Variants in TDRD6 observed in about 807,000 individuals in gnomAD.
TDRD6 encodes the protein tudor domain-containing protein 6.
A neutral mutation model predicts 157.5 loss-of-function variants in TDRD6; 186 were observed. The observed-to-expected ratio is 1.18, with a 90% CI of 1.05 to 1.33. TDRD6 has a LOEUF of 1.33. Ranked by LOEUF, TDRD6 falls within the 40% of genes most tolerant of loss-of-function variation. The probability of loss-of-function intolerance (pLI) is 0.00; values close to 1 mark genes in which losing one functional copy is unlikely to be tolerated. For missense variants in TDRD6, 3,066 were observed against 2,508.0 expected (o/e 1.22, Z -4.75); for synonymous variants, 1,075 against 945.2 (o/e 1.14, Z -2.52).
Position 46,695,737 on chromosome 6 carries a change from A to G in TDRD6, c.6047-84A>G. On this transcript the variant is annotated intron_variant, in intron 1 of 3. Coordinates refer to ENST00000316081, the MANE Select transcript of TDRD6 (RefSeq NM_001010870.3). Reference sequence around the variant, plus strand: ...GATATTGATGATATAGAAATAATGCAGATTAGGAAAATGCTTTGCTTGTGT... The same window carrying G: ...GATATTGATGATATAGAAATAATGCGGATTAGGAAAATGCTTTGCTTGTGT... The G allele has an allele frequency of 3.0e-6, 4 of 1,331,244 alleles. No homozygotes were observed. In the South Asian group the frequency reaches 5.8e-5, roughly 19 times the overall value. The allele number at this position is 1,331,244 out of a possible 1,614,324, so 82.5% of individuals were successfully genotyped here. A position where few individuals can be genotyped will look rare whatever the true frequency, so the allele number is the denominator to read the frequency against.
chr6:46,691,679 A>G lies in TDRD6; in HGVS notation c.3551A>G (p.Asn1184Ser). The G allele has an allele frequency of 6.2e-7, 1 of 1,612,272 alleles. No homozygotes were observed. Among genetic ancestry groups the G allele is most frequent in the Non-Finnish European group, 8.5e-7 (1 of 1,179,488 alleles). The change falls in exon 1 of 4, where the codon AAT becomes AGT. Residue 1184 changes from asparagine (N) to serine (S), a missense_variant. Physicochemically the swap from Asn to Ser is conservative, Grantham distance 46. Coordinates refer to ENST00000316081, the MANE Select transcript of TDRD6 (RefSeq NM_001010870.3). Reference sequence around the variant, plus strand: ...ACAACTGAAACTCTTGAAGAAAAAAATGAGAATATGAAGTTGCCATGTACA... The same window carrying G: ...ACAACTGAAACTCTTGAAGAAAAAAGTGAGAATATGAAGTTGCCATGTACA... ...CSTTETLEEK[N>S]ENMKLPCTEY...
rs548420790 is a variant in TDRD6 at position 46,695,641 on chromosome 6, TG to T, written c.6047-173del. Among the ~76,000 whole-genome samples the T allele has an allele frequency of 3.3e-5, 5 of 152,134 alleles. No homozygotes were observed. The South Asian group carries it at 1.0e-3, about 32-fold the overall frequency. Reference sequence around the variant, plus strand: ...TTTAGAAAAGCAATAAGAGATTATATGGGGGGGCGGGCACTGTAAGAATTTT... The same window carrying T: ...TTTAGAAAAGCAATAAGAGATTATATGGGGGGCGGGCACTGTAAGAATTTT... On this transcript the variant is annotated intron_variant, in intron 1 of 3. Coordinates refer to ENST00000316081, the MANE Select transcript of TDRD6 (RefSeq NM_001010870.3).
the TDRD6 span, chr6:46,681,526 G>A: frequency 2.1e-6 from 1 of 470,776 alleles, no homozygotes; most frequent in Non-Finnish European, 4.4e-6. Flanking sequence ...ACCCCCAACA[G>A]GCTGCTGTGA....
In TDRD6 at chr6:46,698,071, A is replaced by G. The variant is rs775405097; in HGVS notation, c.6245A>G (p.Asp2082Gly). ...ENVWNGIPKL[D>G]KSPPEKRGLE... is the part of the protein sequence containing the mutation. The stretch of plus-strand genomic sequence containing the variant: ...GTCTGGAATGGCATACCCAAATTGG[A>G]TAAGAGTCCACCTGAGGTATGGAAT... The change falls in exon 3 of 4, where the codon GAT (aspartate) becomes GGT (glycine). Residue 2082 changes from aspartate to glycine, a missense_variant. Transcript: ENST00000316081. 3 of 1,607,094 alleles carry G rather than the reference A, an allele frequency of 1.9e-6. No homozygotes were observed. The highest frequency in any genetic ancestry group is 1.1e-5 in the South Asian group (1 of 90,380).
chr6:46,700,354 T>G (rs996586905), intron 3 of TDRD6, among the ~76,000 whole-genome samples: 1 of 152,126 alleles, frequency 6.6e-6, no homozygotes, highest in Admixed American at 6.6e-5. Flanking sequence ...TATCCTTCCC[T>G]CAAATTCGAG....
rs137987343 is a variant in TDRD6, at chr6:46,693,005, C to T, written c.4877C>T (p.Ser1626Leu). 2.1e-5 allele frequency: 34 copies of T among 1,612,440 alleles called. No individual in the cohort carries two copies. Among genetic ancestry groups the T allele is most frequent in the Non-Finnish European group, 2.5e-5 (30 of 1,179,192 alleles). ...ALWAIPSELL[S>L]VPMQAFPCCL... ...TGGGCCATTCCTTCTGAACTTCTGT[C>T]GGTTCCCATGCAAGCCTTTCCATGT... Residue 1626 changes from serine (S) to leucine (L), a missense_variant, in exon 1 of 4, where the codon TCG becomes TTG. Ser to Leu is a moderately radical substitution (Grantham distance 145). Transcript: ENST00000316081.
Position 46,690,376 on chromosome 6 carries a change from C to T in TDRD6, c.2248C>T (p.Pro750Ser), listed in dbSNP as rs774700620. 1.9e-6 allele frequency: 3 copies of T among 1,613,712 alleles called. No individual in the cohort carries two copies. The highest frequency in any genetic ancestry group is 1.7e-6 in the Non-Finnish European group (2 of 1,180,006). The change falls in exon 1 of 4, where the codon CCT becomes TCT. Residue 750 changes from proline to serine, a missense_variant. By Grantham distance (74) the Pro-to-Ser change is moderately conservative. Transcript: ENST00000316081. ...AGTGAAAAGAGCATCTGTTTATTTT[C>T]CTCTTATGCAGAATTGCTTGGAAAT... ...EKVKRASVYF[P>S]LMQNCLEIKP...
chr6:46,682,442 T>C, the TDRD6 span, among the ~76,000 whole-genome samples: 2 of 152,004 alleles, frequency 1.3e-5, no homozygotes, highest in East Asian at 3.8e-4. Context: ...GCAATATCAA[T>C]TCTTACCATT....
At position 46,690,195 on chromosome 6, in the gene TDRD6, C is replaced by A. The variant is rs1041832527; in HGVS notation, c.2067C>A (p.Asn689Lys). The part of the protein sequence containing the change: ...VNAHSPGHVS[N>K]HFTTESNKIP... Reference sequence around the variant, plus strand: ...CCCACTCCCCAGGGCATGTTTCAAACCACTTTACTACGGAGAGTAACAAAA... The same window carrying A: ...CCCACTCCCCAGGGCATGTTTCAAAACACTTTACTACGGAGAGTAACAAAA... Residue 689 changes from asparagine (N) to lysine (K), a missense_variant, in exon 1 of 4, where the codon AAC becomes AAA. By Grantham distance (94) the Asn-to-Lys change is moderately conservative (BLOSUM62 0). Transcript: ENST00000316081. The A allele has an allele frequency of 1.9e-5, 31 of 1,613,844 alleles. No homozygotes were observed. The highest frequency in any genetic ancestry group is 2.5e-5 in the Non-Finnish European group (29 of 1,180,004).
intron 3 of TDRD6, 28 bp from the exon 4 acceptor site, chr6:46,701,830 G>T: frequency 6.2e-7 from 1 of 1,612,150 alleles, no homozygotes; most frequent in Non-Finnish European, 8.5e-7. Flanking sequence ...TTCTTTCTCA[G>T]TTTGAAGTTT....
intron 3 of TDRD6, among the ~76,000 whole-genome samples, chr6:46,699,023 G>T (rs368862105): frequency 7.9e-5 from 12 of 152,172 alleles, no homozygotes; most frequent in Admixed American, 2.6e-4. Flanking sequence ...TAGTAGTTAA[G>T]TGTCAAAGAC....
chr6:46,691,262 C>T lies in TDRD6; in HGVS notation c.3134C>T (p.Thr1045Ile). 1.2e-6 allele frequency: 2 copies of T among 1,614,054 alleles called. No homozygotes were observed. The highest frequency in any genetic ancestry group is 1.7e-6 in the Non-Finnish European group (2 of 1,179,946). ...NPGTLCLAKYTDGNWYRGIVI... is the reference protein window; with the variant it reads ...NPGTLCLAKYIDGNWYRGIVI... ...GGAACCTTGTGCCTTGCCAAGTATA[C>T]TGATGGAAACTGGTATAGGGGCATA... Residue 1045 changes from threonine (T) to isoleucine (I), a missense_variant, in exon 1 of 4, where the codon ACT becomes ATT. Physicochemically the swap from Thr to Ile is moderately conservative, Grantham distance 89. Coordinates refer to ENST00000316081, the MANE Select transcript of TDRD6 (RefSeq NM_001010870.3).
Position 46,690,237 on chromosome 6 carries a change from T to A in TDRD6, c.2109T>A (p.Thr703=), listed in dbSNP as rs1163791325. Residue 703 remains threonine, a synonymous_variant, in exon 1 of 4, where the codon ACT becomes ACA. Coordinates refer to ENST00000316081, the MANE Select transcript of TDRD6 (RefSeq NM_001010870.3). ...GTAACAAAATACCTTTTGCCAAGACTGGAGAAGGAGAGCAGAAAGCCAAGA... is the reference window on the plus strand; with the variant it reads ...GTAACAAAATACCTTTTGCCAAGACAGGAGAAGGAGAGCAGAAAGCCAAGA... ...TESNKIPFAK[T]GEGEQKAKRE... 1 of 1,613,576 alleles carries A rather than the reference T, an allele frequency of 6.2e-7. No homozygotes were observed. The highest frequency in any genetic ancestry group is 1.1e-5 in the South Asian group (1 of 91,072).
rs1395630507 is a variant in TDRD6, at chr6:46,693,508, G to A, written c.5380G>A (p.Glu1794Lys). 6.2e-7 allele frequency: 1 copy of A among 1,613,848 alleles called. No individual in the cohort carries two copies. Among genetic ancestry groups the A allele is most frequent in the East Asian group, 2.2e-5 (1 of 44,876 alleles). ...CKDKIDTEEL[E>K]GELECHLVDK... ...AGATAAAATTGATACTGAGGAACTG[G>A]AAGGTGAATTAGAGTGCCATCTGGT... The change falls in exon 1 of 4, where the codon GAA becomes AAA. Residue 1794 changes from glutamate to lysine, a missense_variant. Transcript: ENST00000316081.
Position 46,689,870 on chromosome 6 carries a change from A to G in TDRD6, c.1742A>G (p.Tyr581Cys). The change falls in exon 1 of 4, where the codon TAT becomes TGT. Residue 581 changes from tyrosine to cysteine, a missense_variant. Transcript: ENST00000316081. Reference protein sequence around the residue: ...DRGNSENVDWYDVRMLLPQFR... With the variant: ...DRGNSENVDWCDVRMLLPQFR... ...GGCAATTCGGAAAATGTGGACTGGT[A>G]TGACGTAAGGATGCTGCTTCCTCAG... 1 of 1,614,206 alleles carries G rather than the reference A, an allele frequency of 6.2e-7. No individual in the cohort carries two copies. Among genetic ancestry groups the G allele is most frequent in the Non-Finnish European group, 8.5e-7 (1 of 1,180,044 alleles).
chr6:46,681,232 G>A, the TDRD6 span, among the ~76,000 whole-genome samples: 4 of 152,222 alleles, frequency 2.6e-5, no homozygotes, highest in Non-Finnish European at 5.9e-5. Context: ...CATATTAAAT[G>A]CTTAATTATG....
chr6:46,692,024 A>G lies in TDRD6; in HGVS notation c.3896A>G (p.Lys1299Arg), dbSNP rs200344352. Residue 1299 changes from lysine (K) to arginine (R), a missense_variant, in exon 1 of 4, where the codon AAG becomes AGG. Physicochemically the swap from Lys to Arg is conservative, Grantham distance 26 (BLOSUM62 2). Coordinates refer to ENST00000316081, the MANE Select transcript of TDRD6 (RefSeq NM_001010870.3). ...CTGAAATTTTGTGAGTTCCCACAGA[A>G]GACTATAATGCCTGGATTTAAAACA... is the stretch of plus-strand genomic sequence containing the variant. ...LPLKFCEFPQKTIMPGFKTTV... is the reference protein window; with the variant it reads ...LPLKFCEFPQRTIMPGFKTTV... 14 of 1,613,838 alleles carry G rather than the reference A, an allele frequency of 8.7e-6. No homozygotes were observed. The Admixed American group carries it at 2.3e-4, about 27-fold the overall frequency.
chr6:46,693,164 T>C lies in TDRD6; in HGVS notation c.5036T>C (p.Leu1679Ser), dbSNP rs959902936. 2 of 1,609,326 alleles carry C rather than the reference T, an allele frequency of 1.2e-6. No homozygotes were observed. The highest frequency in any genetic ancestry group is 1.7e-6 in the Non-Finnish European group (2 of 1,178,210). ...EIRRDVCDIP[L>S]AIVDLKSKGK... ...AGAAGGGATGTTTGTGATATCCCTT[T>C]AGCAATTGTTGACTTGAAAAGCAAA... The change falls in exon 1 of 4, where the codon TTA (leucine) becomes TCA (serine). Residue 1679 changes from leucine (L) to serine (S), a missense_variant. Leu to Ser is a moderately radical substitution (Grantham distance 145, BLOSUM62 -2). Transcript: ENST00000316081.
At position 46,691,073 on chromosome 6, in the gene TDRD6, T is replaced by C. The variant is rs752292337; in HGVS notation, c.2945T>C (p.Met982Thr). Residue 982 changes from methionine (M) to threonine (T), a missense_variant, in exon 1 of 4, where the codon ATG becomes ACG. Met to Thr is a moderately conservative substitution (Grantham distance 81). Transcript: ENST00000316081. ...TCCTACTTCTATTCTACACATGATA[T>C]GAAAATTGGAAGTGAAGAATTAGTT... ...LHSYFYSTHD[M>T]KIGSEELVYI... 8 of 1,613,694 alleles carry C rather than the reference T, an allele frequency of 5.0e-6. No homozygotes were observed. The East Asian group carries it at 1.3e-4, about 27-fold the overall frequency.
Sources: allele counts gnomAD v4.1 joint callset (sites outside exome capture counted in the v4.1 genomes callset), GRCh38; gene constraint gnomAD v4.1.1; transcripts MANE v1.5; gene names NCBI Gene and HGNC (gene_info 2026-07-23, HGNC 2026-07-21).